The following TMEM131L variants were observed in gnomAD, a reference collection of about 807,000 sequenced individuals.
TMEM131L encodes the protein transmembrane protein 131-like.
In TMEM131L, 54 loss-of-function variants were observed where a neutral mutation model predicts 192.2. The observed-to-expected ratio is 0.28, with a 90% confidence interval of 0.23 to 0.35. The LOEUF (loss-of-function observed/expected upper bound fraction) is 0.35. TMEM131L is among the 10% of genes least tolerant of loss of function. The probability of loss-of-function intolerance (pLI) is 1.00; values close to 1 mark genes in which losing one functional copy is unlikely to be tolerated. For missense variants in TMEM131L, 1,888 were observed against 1,972.9 expected (o/e 0.96, Z 0.82); for synonymous variants, 701 against 704.9 (o/e 0.99, Z 0.09).
chr4:153,598,459 A>G (rs1731602828), intron 20 of TMEM131L, 131 bp from the exon 21 acceptor site: 1 of 823,534 alleles, frequency 1.2e-6, no homozygotes. Flanking sequence ...CACTATTTAA[A>G]TTGATTTTCT....
intron 26 of TMEM131L, among the ~76,000 whole-genome samples, chr4:153,614,529 G>A (rs554847366): frequency 1.3e-5 from 2 of 152,162 alleles, no homozygotes; most frequent in South Asian, 2.1e-4. Flanking sequence ...GGGGGGCGGC[G>A]GGGTGGACAG....
intron 28 of TMEM131L, 65 bp from the exon 29 acceptor site, chr4:153,622,833 T>C (rs1733534003): frequency 6.5e-7 from 1 of 1,537,836 alleles, no homozygotes; most frequent in South Asian, 1.1e-5. Flanking sequence ...CCTCTCTCTT[T>C]CTGTTAGAAA....
chr4:153,516,598 A>G (rs1311885873), intron 3 of TMEM131L, among the ~76,000 whole-genome samples: 1 of 152,124 alleles, frequency 6.6e-6, no homozygotes, highest in Non-Finnish European at 1.5e-5. Flanking sequence ...CTATATCTAC[A>G]TTTGAATGCT....
chr4:153,627,381 G>A (rs1225066735), intron 30 of TMEM131L, among the ~76,000 whole-genome samples: 1 of 151,984 alleles, frequency 6.6e-6, no homozygotes, highest in African/African-American at 2.4e-5. Context: ...AATTTTTTTT[G>A]TTGTTGGTTA....
chr4:153,543,067 T>C (rs1276032667), intron 3 of TMEM131L, among the ~76,000 whole-genome samples: 1 of 152,240 alleles, frequency 6.6e-6, no homozygotes, highest in African/African-American at 2.4e-5. Flanking sequence ...TTGGTATCGC[T>C]CCAAGGACTT....
chr4:153,467,010 C>A (rs2149689050), intron 1 of TMEM131L, among the ~76,000 whole-genome samples: 1 of 152,264 alleles, frequency 6.6e-6, no homozygotes, highest in South Asian at 2.1e-4. Context: ...ACGCTGTCGC[C>A]TTCGCGTCCG....
At chr4:153,616,914 T>C (rs1733011887) in intron 26 of TMEM131L, among the ~76,000 whole-genome samples, 1 of 152,194 alleles carries the variant, frequency 6.6e-6, no homozygotes, top group Admixed American at 6.5e-5. Context: ...ACTTTTTACT[T>C]TCATAAATAA....
At position 153,535,406 on chromosome 4, in the gene TMEM131L, A is replaced by T. The variant is rs190530861; in HGVS notation, c.240-14667A>T. On this transcript the variant is annotated intron_variant, in intron 3 of 34. Coordinates refer to ENST00000409959, the MANE Select transcript of TMEM131L (RefSeq NM_001131007.2). ...GATGTAAATTTGGGGTGGTGTTTAC[A>T]GCCTTCACGTTGGATCAGATAAGCA... Among the ~76,000 whole-genome samples, 138 of 152,232 alleles carry T rather than the reference A, an allele frequency of 9.1e-4. 1 individual carries two copies. The highest frequency in any genetic ancestry group is 1.8e-3 in the Non-Finnish European group (120 of 68,018).
intron 25 of TMEM131L, among the ~76,000 whole-genome samples, chr4:153,611,416 T>C (rs1177177338): frequency 1.3e-5 from 2 of 152,270 alleles, no homozygotes; most frequent in African/African-American, 4.8e-5. Flanking sequence ...TCCAAGTCTT[T>C]ATCCTTCTCT....
intron 3 of TMEM131L, among the ~76,000 whole-genome samples, chr4:153,521,413 T>A (rs1174206745): frequency 6.6e-6 from 1 of 152,192 alleles, no homozygotes; most frequent in Non-Finnish European, 1.5e-5. Context: ...CATTGTACAT[T>A]GCTATAGGAA....
intron 30 of TMEM131L, among the ~76,000 whole-genome samples, 167 bp from the exon 31 acceptor site, chr4:153,627,438 T>C (rs1197679093): frequency 1.3e-5 from 2 of 152,254 alleles, no homozygotes; most frequent in African/African-American, 4.8e-5. Flanking sequence ...CTCAATTCTT[T>C]TCTGGCTGTG....
intron 11 of TMEM131L, 96 bp downstream of exon 11, chr4:153,583,768 A>G (rs1193085009): frequency 5.5e-6 from 4 of 725,506 alleles, no homozygotes; most frequent in Non-Finnish European, 9.5e-6. Flanking sequence ...TGGTTTCAAA[A>G]AAGTGAAGGG....
intron 1 of TMEM131L, among the ~76,000 whole-genome samples, chr4:153,466,994 G>C (rs1001166912): frequency 1.3e-5 from 2 of 152,192 alleles, no homozygotes; most frequent in South Asian, 4.1e-4. Flanking sequence ...CCCCGAGCCT[G>C]CCTGCACGCT....
intron 7 of TMEM131L, among the ~76,000 whole-genome samples, chr4:153,564,486 C>T (rs1010751077): frequency 1.8e-4 from 27 of 152,048 alleles, no homozygotes; most frequent in African/African-American, 6.5e-4. Flanking sequence ...TAGTTTGAGG[C>T]ATTTTTTAAT....
At position 153,466,407 on chromosome 4, in the gene TMEM131L, C is replaced by T; in HGVS notation, c.10C>T (p.Leu4Phe). MAG[L>F]RRPQPGCYCR... ...GAGCGCGAGCAGCAGCATGGCGGGG[C>T]TCCGACGCCCGCAGCCCGGCTGCTA... Residue 4 changes from leucine (L) to phenylalanine (F), a missense_variant, in exon 1 of 35, where the codon CTC becomes TTC. Coordinates refer to ENST00000409959, the MANE Select transcript of TMEM131L (RefSeq NM_001131007.2). The T allele has an allele frequency of 2.2e-6, 3 of 1,346,868 alleles. No homozygotes were observed. Among genetic ancestry groups the T allele is most frequent in the Non-Finnish European group, 2.9e-6 (3 of 1,043,762 alleles). The allele number at this position is 1,346,868 out of a possible 1,614,324, so 83.4% of individuals were successfully genotyped here. A position where few individuals can be genotyped will look rare whatever the true frequency, so the allele number is the denominator to read the frequency against.
intron 3 of TMEM131L, among the ~76,000 whole-genome samples, chr4:153,512,881 G>GGATT (rs1178720117): frequency 2.0e-5 from 3 of 152,090 alleles, no homozygotes; most frequent in African/African-American, 7.2e-5. Context: ...CAAAGTACTG[G>GGATT]GATTACAGGC....
At chr4:153,487,719 T>TGTGTGTGAGAGA (rs369094307) in intron 3 of TMEM131L, among the ~76,000 whole-genome samples, 1 of 143,438 alleles carries the variant, frequency 7.0e-6, no homozygotes, top group Admixed American at 6.9e-5. Context: ...TGTGTGTGTG[T>TGTGTGTGAGAGA]GAGAGAGAGA....
At chr4:153,503,174 C>T (rs1733731255) in intron 3 of TMEM131L, among the ~76,000 whole-genome samples, 1 of 152,200 alleles carries the variant, frequency 6.6e-6, no homozygotes, top group African/African-American at 2.4e-5. Context: ...TCTCAAAAAC[C>T]TTAACACTTA....
intron 10 of TMEM131L, 82 bp downstream of exon 10, chr4:153,583,330 C>G: frequency 3.5e-6 from 3 of 847,994 alleles, no homozygotes; most frequent in Non-Finnish European, 6.1e-6. Context: ...TTTTCAGGAA[C>G]AGAGACAGAA....
Sources: allele counts gnomAD v4.1 joint callset (sites outside exome capture counted in the v4.1 genomes callset), GRCh38; gene constraint gnomAD v4.1.1; transcripts MANE v1.5; gene names NCBI Gene and HGNC (gene_info 2026-07-23, HGNC 2026-07-21).